The following PLCZ1 variants were observed in gnomAD, a reference collection of about 807,000 sequenced individuals.
PLCZ1 encodes the protein phospholipase C zeta 1, also known as 1-phosphatidylinositol 4,5-bisphosphate phosphodiesterase zeta-1.
A neutral mutation model predicts 76.8 loss-of-function variants in PLCZ1; 64 were observed. That is an observed-to-expected ratio of 0.83 (90% CI 0.68 to 1.03). The LOEUF is 1.03. Ranked by LOEUF, PLCZ1 falls within the 50% of genes least tolerant of loss-of-function variation. The pLI, the probability that PLCZ1 is intolerant of heterozygous loss-of-function variation, is 0.00. For synonymous variants in PLCZ1, 248 were observed against 230.8 expected (o/e 1.07, Z -0.68); for missense variants, 751 against 713.7 (o/e 1.05, Z -0.60).
intron 4 of PLCZ1, among the ~76,000 whole-genome samples, chr12:18,720,910 C>T (rs1017035881): frequency 2.0e-5 from 3 of 151,872 alleles, no homozygotes; most frequent in African/African-American, 7.3e-5. Context: ...AATGTTATGA[C>T]ATCATAAAAA....
chr12:18,705,621 T>G (rs898388108), intron 6 of PLCZ1, among the ~76,000 whole-genome samples: 13 of 152,038 alleles, frequency 8.6e-5, no homozygotes, highest in Admixed American at 6.5e-4. Context: ...ATCCCAGCAC[T>G]TTGGGAGGCT....
At chr12:18,721,264 C>A (rs922967456) in intron 4 of PLCZ1, among the ~76,000 whole-genome samples, 1 of 152,010 alleles carries the variant, frequency 6.6e-6, no homozygotes, top group East Asian at 1.9e-4. Flanking sequence ...TTTTTAAAAA[C>A]CTCATTTGGT....
intron 4 of PLCZ1, among the ~76,000 whole-genome samples, chr12:18,721,570 A>G (rs1958436080): frequency 6.6e-6 from 1 of 152,038 alleles, no homozygotes; most frequent in Non-Finnish European, 1.5e-5. Context: ...TACAGTGCCA[A>G]AGTAATTGTT....
the PLCZ1 span, chr12:18,647,833 A>T: frequency 1.6e-6 from 2 of 1,244,244 alleles, no homozygotes; most frequent in South Asian, 1.9e-5. Flanking sequence ...AGATGTATTT[A>T]AGCATTTCTG....
chr12:18,672,728 T>C, the PLCZ1 span, among the ~76,000 whole-genome samples: 1,823 of 151,952 alleles, frequency 0.012, 27 homozygotes, highest in African/African-American at 0.042. Context: ...GGGAGGAAAA[T>C]TGAGGAATAG....
At chr12:18,712,286 C>A (rs927264949) in intron 6 of PLCZ1, among the ~76,000 whole-genome samples, 1 of 152,132 alleles carries the variant, frequency 6.6e-6, no homozygotes, top group African/African-American at 2.4e-5. Context: ...ATTGCAAAAA[C>A]CTGCTCAATT....
At chr12:18,659,128 G>A in the PLCZ1 span, among the ~76,000 whole-genome samples, 3 of 152,050 alleles carry the variant, frequency 2.0e-5, no homozygotes, top group Admixed American at 6.6e-5. Flanking sequence ...AAGATAGGAG[G>A]AAGGTAAAAA....
At chr12:18,670,157 A>G in the PLCZ1 span, among the ~76,000 whole-genome samples, 9 of 152,338 alleles carry the variant, frequency 5.9e-5, no homozygotes, top group Admixed American at 5.2e-4. Context: ...ATATCAGATC[A>G]TTAGATAGAA....
chr12:18,692,343 C>A (rs940735002), intron 12 of PLCZ1, among the ~76,000 whole-genome samples: 2 of 152,042 alleles, frequency 1.3e-5, no homozygotes, highest in African/African-American at 4.8e-5. Context: ...AATAGAACTG[C>A]TCATAAGTAA....
Position 18,695,002 on chromosome 12 carries a change from A to AT in PLCZ1, c.1368dup (p.Tyr457IlefsTer12). The AT allele has an allele frequency of 6.2e-7, 1 of 1,611,328 alleles. No individual in the cohort carries two copies. On this transcript the variant is annotated frameshift_variant, in exon 12 of 15. Coordinates refer to ENST00000266505, the MANE Select transcript of PLCZ1 (RefSeq NM_033123.4). LOFTEE classifies it high-confidence loss of function. ...CTTAAGAAATGTGGTTTCAAAATAT[A>AT]TCCAGAACCACCATTATCCAAAAAT...
downstream of PLCZ1, chr12:18,683,032 C>A (rs535286043): frequency 3.1e-5 from 17 of 552,678 alleles, no homozygotes; most frequent in Non-Finnish European, 5.1e-5. Context: ...CAAACAAGAA[C>A]GCCATGCTGG....
At position 18,693,640 on chromosome 12, in the gene PLCZ1, C is replaced by T. The variant is rs114317193; in HGVS notation, c.1461+1270G>A. 1.7e-3 allele frequency: 2,663 copies of T among 1,563,278 alleles called. 43 individuals are homozygous for T. The African/African-American group carries it at 0.029, about 17-fold the overall frequency. ...CCATTGTGTTTATTGATGAAATTGA[C>T]GCCATTGGGACAAAAAGATATGACT... On this transcript the variant is annotated intron_variant, in intron 12 of 14. Coordinates refer to ENST00000266505, the MANE Select transcript of PLCZ1 (RefSeq NM_033123.4).
At chr12:18,669,578 G>A in the PLCZ1 span, among the ~76,000 whole-genome samples, 1 of 152,152 alleles carries the variant, frequency 6.6e-6, no homozygotes, top group Admixed American at 6.5e-5. Flanking sequence ...TTGTTGGTGA[G>A]GGCCCCTATT....
chr12:18,721,290 A>C (rs5025416), intron 4 of PLCZ1, among the ~76,000 whole-genome samples: 2 of 151,492 alleles, frequency 1.3e-5, no homozygotes, highest in South Asian at 2.1e-4. Context: ...TCACATACCA[A>C]TGAGGGATGA....
At chr12:18,737,806 T>C in intron 1 of PLCZ1, 126 bp downstream of exon 1, 1 of 309,954 alleles carries the variant, frequency 3.2e-6, no homozygotes, top group South Asian at 4.0e-5. Flanking sequence ...TTTGGGCAGC[T>C]ACTCTGAGAG....
chr12:18,691,772 T>C (rs1220228365), intron 12 of PLCZ1, among the ~76,000 whole-genome samples: 1 of 152,160 alleles, frequency 6.6e-6, no homozygotes, highest in Non-Finnish European at 1.5e-5. Context: ...TCCAGTGTTG[T>C]AGGCAATTGC....
chr12:18,680,379 C>T (rs182103223), downstream of PLCZ1, among the ~76,000 whole-genome samples: 32 of 152,026 alleles, frequency 2.1e-4, 1 homozygote, highest in Admixed American at 2.0e-3. Flanking sequence ...TCCCTTATAT[C>T]CAACATTTAA....
At chr12:18,701,900 A>AT (rs1955989765) in intron 7 of PLCZ1, 124 bp from the exon 8 acceptor site, 2 of 1,350,380 alleles carry the variant, frequency 1.5e-6, no homozygotes. Context: ...TAAGAACTCC[A>AT]TTTTTTCCCA....
intron 12 of PLCZ1, chr12:18,694,142 A>C (rs1353995361): frequency 1.2e-6 from 1 of 806,240 alleles, no homozygotes; most frequent in Non-Finnish European, 2.0e-6. Context: ...GTGATTTCTC[A>C]GTCCCTGAAA....
Sources: allele counts gnomAD v4.1 joint callset (sites outside exome capture counted in the v4.1 genomes callset), GRCh38; gene constraint gnomAD v4.1.1; transcripts MANE v1.5; gene names NCBI Gene and HGNC (gene_info 2026-07-23, HGNC 2026-07-21).